Variants in NCLN observed in about 807,000 individuals in gnomAD.
The protein encoded by NCLN is nicalin.
A neutral mutation model predicts 69.5 loss-of-function variants in NCLN; 34 were observed. The observed-to-expected ratio is 0.49, with a 90% CI of 0.37 to 0.65. The LOEUF (loss-of-function observed/expected upper bound fraction) is 0.65. NCLN is among the 30% of genes least tolerant of loss of function. The pLI, the probability that NCLN is intolerant of heterozygous loss-of-function variation, is 0.00. For synonymous variants in NCLN, 393 were observed against 358.3 expected, an observed-to-expected ratio of 1.10 and a Z score of -1.09; for missense variants, 710 against 804.8, an observed-to-expected ratio of 0.88 and a Z score of 1.42.
rs188123064 is a variant in NCLN, at chr19:3,190,733, C to T, written c.185-1737C>T. ...CTCACACGGGAGGCTCCGGGGCCCG[C>T]CCCCGGCCCCCCTGCGTCAGGCCTG... On this transcript the variant is annotated intron_variant, in intron 1 of 14. Coordinates refer to ENST00000246117, the MANE Select transcript of NCLN (RefSeq NM_020170.4). 5.9e-3 allele frequency among the ~76,000 whole-genome samples: 895 copies of T among 152,296 alleles called. 8 individuals are homozygous for T. The highest frequency in any genetic ancestry group is 0.02 in the African/African-American group (851 of 41,542).
rs1033779568 is a variant in NCLN, at chr19:3,205,941, C to T, written c.1211C>T (p.Ser404Phe). Residue 404 changes from serine to phenylalanine, a missense_variant and splice_region_variant, in exon 10 of 15, where the codon TCC becomes TTC. Transcript: ENST00000246117. This position sits in a 1 kb window ranked among gnomAD's most constrained non-coding sequence, Gnocchi z 4.6. ...GQRSSIMDVRSRVDSKTLTRN... is the reference protein window; with the variant it reads ...GQRSSIMDVRFRVDSKTLTRN... ...AACATTGTTTTTGAATCGTGAAGGT[C>T]CCGGGTGGATTCTAAGACCCTGACC... The T allele has an allele frequency of 6.2e-7, 1 of 1,613,618 alleles. No individual in the cohort carries two copies. The highest frequency in any genetic ancestry group is 8.5e-7 in the Non-Finnish European group (1 of 1,179,920).
chr19:3,196,397 C>T (rs1915956243), intron 4 of NCLN, 120 bp downstream of exon 4: 5 of 717,986 alleles, frequency 7.0e-6, no homozygotes, highest in African/African-American at 5.4e-5. Context: ...GTCGGATCGC[C>T]CCCCTGCCTG....
At chr19:3,190,789 C>T (rs903065174) in intron 1 of NCLN, among the ~76,000 whole-genome samples, 4 of 152,158 alleles carry the variant, frequency 2.6e-5, no homozygotes, top group Admixed American at 6.5e-5. Context: ...GGTCTGCTTG[C>T]GGGCTTTGCG....
At chr19:3,202,352 G>A (rs989289926) in intron 6 of NCLN, among the ~76,000 whole-genome samples, 1 of 152,132 alleles carries the variant, frequency 6.6e-6, no homozygotes. Flanking sequence ...TGCAGGCTTC[G>A]TCCCCGTGGC....
In NCLN at chr19:3,185,986, G is replaced by C; in HGVS notation, c.-45G>C. On this transcript the variant is annotated 5_prime_UTR_variant, in exon 1 of 15. Coordinates refer to ENST00000246117, the MANE Select transcript of NCLN (RefSeq NM_020170.4). The stretch of plus-strand genomic sequence containing the variant: ...GTCCGCGGGAGCCGCCGCCGCCGCC[G>C]TCCCGTCCCAGCTGCCGCCCCGCGC... 6.3e-6 allele frequency: 9 copies of C among 1,422,616 alleles called. No individual in the cohort carries two copies. Among genetic ancestry groups the C allele is most frequent in the Non-Finnish European group, 8.3e-6 (9 of 1,084,946 alleles). The allele number at this position is 1,422,616 out of a possible 1,614,324, so 88.1% of individuals were successfully genotyped here. A position where few individuals can be genotyped will look rare whatever the true frequency, so the allele number is the denominator to read the frequency against.
rs185839704 is a variant in NCLN, at chr19:3,195,169, G to A, written c.521-1014G>A. On this transcript the variant is annotated intron_variant, in intron 3 of 14. Transcript: ENST00000246117. ...TGCACTCCAGCCCGGGTGACAGTAC[G>A]ATACTCCGACTTGAAAAAAAAAAAA... Among the ~76,000 whole-genome samples the A allele has an allele frequency of 1.9e-4, 24 of 126,058 alleles. No individual in the cohort carries two copies. In the East Asian group the frequency reaches 8.4e-3, roughly 44 times the overall value. The allele number at this position is 126,058 out of a possible 152,430, so 82.7% of individuals were successfully genotyped here.
chr19:3,205,842 A>G lies in NCLN; in HGVS notation c.1209-97A>G, dbSNP rs760461181. 11 of 1,051,226 alleles carry G rather than the reference A, an allele frequency of 1.0e-5. No individual in the cohort carries two copies. The highest frequency in any genetic ancestry group is 2.1e-5 in the Admixed American group (1 of 47,640). 65.1% of individuals were successfully genotyped at this position (1,051,226 alleles called of 1,614,324 possible). On this transcript the variant is annotated intron_variant, in intron 9 of 14. Transcript: ENST00000246117. The surrounding 1 kb of genome is among the most constrained non-coding windows in gnomAD (Gnocchi z 4.6). Reference sequence around the variant, plus strand: ...TTTTTTTTTTTAAAGACAGAGTCTCACGGTCTCCTAGGCTGGAGTGCTGGG... The same window carrying G: ...TTTTTTTTTTTAAAGACAGAGTCTCGCGGTCTCCTAGGCTGGAGTGCTGGG...
intron 1 of NCLN, among the ~76,000 whole-genome samples, chr19:3,187,641 C>A (rs1031862286): frequency 6.6e-6 from 1 of 152,224 alleles, no homozygotes; most frequent in Non-Finnish European, 1.5e-5. Context: ...GTTGTCACGA[C>A]CACGGGTGCT....
intron 3 of NCLN, among the ~76,000 whole-genome samples, chr19:3,195,723 A>G (rs1392151402): frequency 2.6e-5 from 4 of 151,996 alleles, no homozygotes; most frequent in South Asian, 2.1e-4. Context: ...CCTGGGAGGT[A>G]GAGGCTGCAG....
intron 1 of NCLN, among the ~76,000 whole-genome samples, chr19:3,188,695 A>G (rs1915734238): frequency 6.6e-6 from 1 of 152,144 alleles, no homozygotes; most frequent in African/African-American, 2.4e-5. Flanking sequence ...AGGAAGCTGG[A>G]CGCAGCTTTC....
intron 8 of NCLN, 122 bp from the exon 9 acceptor site, chr19:3,204,451 A>T: frequency 9.0e-7 from 1 of 1,105,154 alleles, no homozygotes; most frequent in East Asian, 2.8e-5. Flanking sequence ...CCCCGGGGGC[A>T]GGTGGATTTC....
At chr19:3,189,517 C>T (rs1189047684) in intron 1 of NCLN, among the ~76,000 whole-genome samples, 7 of 152,232 alleles carry the variant, frequency 4.6e-5, no homozygotes, top group East Asian at 1.9e-4. Context: ...AAAGGTTGGC[C>T]GTCTGGCCCC....
chr19:3,206,988 A>G (rs886723985), intron 12 of NCLN, among the ~76,000 whole-genome samples: 1 of 151,578 alleles, frequency 6.6e-6, no homozygotes, highest in Non-Finnish European at 1.5e-5. Flanking sequence ...TGCCCGGCTA[A>G]TTTTTTTTAA....
Position 3,207,810 on chromosome 19 carries a change from C to T in NCLN, c.*122C>T, listed in dbSNP as rs1019245514. The T allele has an allele frequency of 1.7e-5, 13 of 773,858 alleles. No homozygotes were observed. The highest frequency in any genetic ancestry group is 6.5e-5 in the South Asian group (4 of 61,516). 47.9% of individuals were successfully genotyped at this position (773,858 alleles called of 1,614,324 possible). On this transcript the variant is annotated 3_prime_UTR_variant, in exon 15 of 15. Coordinates refer to ENST00000246117, the MANE Select transcript of NCLN (RefSeq NM_020170.4). The stretch of plus-strand genomic sequence containing the variant: ...GGACAGGGGCCCTCTCCCTCCCCGG[C>T]GGTGGTTGGAACACTGAATTACAGA...
intron 1 of NCLN, among the ~76,000 whole-genome samples, chr19:3,188,485 G>A (rs1256363959): frequency 2.6e-5 from 4 of 151,950 alleles, no homozygotes; most frequent in Non-Finnish European, 5.9e-5. Context: ...GCCTCCTGAC[G>A]TTCACCCCGT....
rs140271244 is a variant in NCLN, at chr19:3,207,766, G to A, written c.*78G>A. ...AGCACGAGTGAGTGGACACTGCCCC[G>A]CCGCGGGCGGCCCTGCAGGGACAGG... is the stretch of plus-strand genomic sequence containing the variant. On this transcript the variant is annotated 3_prime_UTR_variant, in exon 15 of 15. Transcript: ENST00000246117. The A allele has an allele frequency of 0.01, 13,596 of 1,304,906 alleles. 85 individuals are homozygous for A. The highest frequency in any genetic ancestry group is 0.013 in the Non-Finnish European group (11,705 of 908,272). 80.8% of individuals were successfully genotyped at this position (1,304,906 alleles called of 1,614,324 possible). A position where few individuals can be genotyped will look rare whatever the true frequency, so the allele number is the denominator to read the frequency against.
At position 3,186,057 on chromosome 19, in the gene NCLN, G is replaced by C. The variant is rs1183534050; in HGVS notation, c.27G>C (p.Leu9=). The change falls in exon 1 of 15, where the codon CTG becomes CTC. Residue 9 remains leucine, a synonymous_variant. Coordinates refer to ENST00000246117, the MANE Select transcript of NCLN (RefSeq NM_020170.4). MLEEAGEV[L]ENMLKASCLP... is the part of the protein sequence containing the mutation. Reference sequence around the variant, plus strand: ...TGCTGGAGGAAGCGGGCGAGGTGCTGGAGAACATGCTGAAGGCGTCTTGTC... The same window carrying C: ...TGCTGGAGGAAGCGGGCGAGGTGCTCGAGAACATGCTGAAGGCGTCTTGTC... The C allele has an allele frequency of 1.3e-6, 2 of 1,592,680 alleles. No individual in the cohort carries two copies. The highest frequency in any genetic ancestry group is 1.1e-5 in the South Asian group (1 of 89,176).
At chr19:3,195,834 G>A (rs953832528) in intron 3 of NCLN, among the ~76,000 whole-genome samples, 7 of 152,148 alleles carry the variant, frequency 4.6e-5, no homozygotes, top group Non-Finnish European at 1.0e-4. Context: ...TTAAAGCACA[G>A]AAGTGCGGAC....
chr19:3,197,830 A>T (rs903736477), intron 4 of NCLN, among the ~76,000 whole-genome samples: 2 of 152,226 alleles, frequency 1.3e-5, no homozygotes, highest in African/African-American at 4.8e-5. Flanking sequence ...CATGCTGGCC[A>T]GGCTGGTCTG....
Sources: gnomAD v4.1 joint callset for allele counts (sites outside exome capture counted in the v4.1 genomes callset) on GRCh38, gnomAD v4.1.1 for gene constraint, Gnocchi (gnomAD v3.1) non-coding constraint, MANE v1.5 for transcripts, NCBI Gene and HGNC (gene_info 2026-07-23, HGNC 2026-07-21) for gene names.